Variants in DRC8 observed in about 807,000 individuals in gnomAD.
DRC8 encodes dynein regulatory complex protein 8.
chr1:245,015,298 T>G, the DRC8 span, among the ~76,000 whole-genome samples: 1 of 152,218 alleles, frequency 6.6e-6, no homozygotes, highest in Non-Finnish European at 1.5e-5. Context: ...TTAATTACAT[T>G]ATTGTCCTTT....
chr1:245,046,990 A>C, the DRC8 span, among the ~76,000 whole-genome samples: 1 of 152,174 alleles, frequency 6.6e-6, no homozygotes, highest in Admixed American at 6.5e-5. Context: ...AGCCATTGCT[A>C]CCGCTGATGA....
chr1:245,072,131 A>T, the DRC8 span, among the ~76,000 whole-genome samples: 1 of 152,250 alleles, frequency 6.6e-6, no homozygotes, highest in Middle Eastern at 3.2e-3. Flanking sequence ...ACAGATGCTT[A>T]TAGCAGCTTC....
At chr1:245,050,109 G>A in the DRC8 span, among the ~76,000 whole-genome samples, 1 of 152,224 alleles carries the variant, frequency 6.6e-6, no homozygotes, top group Non-Finnish European at 1.5e-5. Context: ...GGAGAGGGAT[G>A]TGAGGACTGT....
chr1:245,063,250 G>A, the DRC8 span, among the ~76,000 whole-genome samples: 19 of 152,026 alleles, frequency 1.2e-4, no homozygotes, highest in African/African-American at 4.1e-4. Flanking sequence ...TCTCACCCTC[G>A]CAGCAAGGGT....
At chr1:244,984,884 A>C in the DRC8 span, among the ~76,000 whole-genome samples, 1 of 151,014 alleles carries the variant, frequency 6.6e-6, no homozygotes, top group Non-Finnish European at 1.5e-5. Flanking sequence ...ATTTCCTGAC[A>C]CATACGTGTT....
At chr1:245,110,804 A>C in the DRC8 span, among the ~76,000 whole-genome samples, 1 of 152,226 alleles carries the variant, frequency 6.6e-6, no homozygotes, top group African/African-American at 2.4e-5. Context: ...TTAAGAGGAA[A>C]TGTTAGTGGC....
chr1:245,032,583 C>G, the DRC8 span, among the ~76,000 whole-genome samples: 5 of 152,216 alleles, frequency 3.3e-5, no homozygotes, highest in Admixed American at 6.5e-5. Flanking sequence ...GCTTGTATTT[C>G]TGTCTCTGCT....
the DRC8 span, among the ~76,000 whole-genome samples, chr1:244,992,426 A>G: frequency 6.6e-6 from 1 of 152,344 alleles, no homozygotes; most frequent in African/African-American, 2.4e-5. Flanking sequence ...TTAAACAACT[A>G]GGATTACAGA....
chr1:245,084,082 G>C, the DRC8 span, among the ~76,000 whole-genome samples: 15 of 34,050 alleles, frequency 4.4e-4, no homozygotes, highest in African/African-American at 7.9e-4. Context: ...CGGCGCCCCG[G>C]CTTTTTTTTT....
the DRC8 span, chr1:244,970,904 C>G: frequency 5.0e-6 from 1 of 201,010 alleles, no homozygotes; most frequent in Non-Finnish European, 1.0e-5. Flanking sequence ...CGCCTCCACA[C>G]TCTCGCCTGG....
the DRC8 span, among the ~76,000 whole-genome samples, chr1:245,089,418 C>T: frequency 1.3e-5 from 2 of 151,546 alleles, no homozygotes; most frequent in Admixed American, 1.3e-4. The surrounding 1 kb of genome is among the most constrained non-coding windows in gnomAD (Gnocchi z 4.8). Flanking sequence ...TACGGGAAGG[C>T]AGAGGAAGAA....
chr1:245,085,147 G>T, the DRC8 span, among the ~76,000 whole-genome samples: 2 of 152,114 alleles, frequency 1.3e-5, no homozygotes, highest in Non-Finnish European at 2.9e-5. Context: ...CTCTCTCAAG[G>T]ATATTACAAT....
the DRC8 span, among the ~76,000 whole-genome samples, chr1:245,012,080 T>C: frequency 4.6e-5 from 7 of 152,192 alleles, no homozygotes; most frequent in South Asian, 2.1e-4. Flanking sequence ...TAAGAAGTTA[T>C]TAAAAATTCA....
chr1:245,059,512 C>A, the DRC8 span: 3 of 1,443,380 alleles, frequency 2.1e-6, no homozygotes, highest in Non-Finnish European at 2.9e-6. Context: ...AGAGCTACTC[C>A]TTGTAATTAA....
chr1:245,092,227 C>T, the DRC8 span, among the ~76,000 whole-genome samples: 1 of 152,194 alleles, frequency 6.6e-6, no homozygotes. Context: ...TTGCAGTCAC[C>T]CAGTGTCTAA....
At chr1:245,099,375 G>C in the DRC8 span, among the ~76,000 whole-genome samples, 1 of 152,216 alleles carries the variant, frequency 6.6e-6, no homozygotes, top group Non-Finnish European at 1.5e-5. Context: ...AGAGAAAGCT[G>C]AGTGACAGCC....
the DRC8 span, among the ~76,000 whole-genome samples, chr1:244,996,038 A>G: frequency 1.3e-5 from 2 of 152,348 alleles, no homozygotes; most frequent in Admixed American, 6.5e-5. Context: ...GTGGCTTAAG[A>G]CAATAAACAT....
the DRC8 span, among the ~76,000 whole-genome samples, chr1:245,062,347 A>C: frequency 6.6e-6 from 1 of 152,360 alleles, no homozygotes; most frequent in African/African-American, 2.4e-5. Flanking sequence ...AACTTCCTGC[A>C]AATACTTTCT....
chr1:245,002,101 A>C, the DRC8 span: 253 of 1,572,748 alleles, frequency 1.6e-4, no homozygotes, highest in Non-Finnish European at 2.0e-4. Context: ...AGTACTCTTC[A>C]TGTGTCTCCT....
Sources: allele counts gnomAD v4.1 joint callset (sites outside exome capture counted in the v4.1 genomes callset), GRCh38; gene constraint gnomAD v4.1.1; non-coding constraint Gnocchi (gnomAD v3.1); transcripts MANE v1.5; gene names NCBI Gene and HGNC (gene_info 2026-07-23, HGNC 2026-07-21).